Variants in SLC4A5 observed in about 807,000 individuals in gnomAD.
The protein encoded by SLC4A5 is electrogenic sodium bicarbonate cotransporter 4.
Under a neutral mutation model 120.4 loss-of-function variants are expected in SLC4A5, and 96 were observed. That is an observed-to-expected ratio of 0.80 (90% CI 0.68 to 0.94). The LOEUF is 0.94. SLC4A5 is among the 40% of genes least tolerant of loss of function. The pLI, the probability that SLC4A5 is intolerant of heterozygous loss-of-function variation, is 0.00. For missense variants in SLC4A5, 1,259 were observed against 1,459.5 expected (o/e 0.86, Z 2.24); for synonymous variants, 550 against 571.1 (o/e 0.96, Z 0.53).
chr2:74,251,837 T>G (rs1281478816), intron 16 of SLC4A5, among the ~76,000 whole-genome samples: 1 of 152,138 alleles, frequency 6.6e-6, no homozygotes, highest in Admixed American at 6.5e-5. Context: ...CAACACCTGC[T>G]GTGGAACTCC....
At chr2:74,239,703 T>G (rs1482401404) in intron 20 of SLC4A5, among the ~76,000 whole-genome samples, 168 bp from the exon 21 acceptor site, 1 of 152,030 alleles carries the variant, frequency 6.6e-6, no homozygotes, top group Non-Finnish European at 1.5e-5. Context: ...AATGACAAGC[T>G]CCCTAGGAAG....
At chr2:74,330,634 G>T (rs1325613795) in intron 4 of SLC4A5, among the ~76,000 whole-genome samples, 7 of 148,588 alleles carry the variant, frequency 4.7e-5, no homozygotes, top group South Asian at 2.1e-4. Flanking sequence ...GTCAGATGGA[G>T]GTGGTGAGGT....
chr2:74,257,514 T>C (rs1246292160), intron 12 of SLC4A5, among the ~76,000 whole-genome samples: 1 of 152,130 alleles, frequency 6.6e-6, no homozygotes, highest in Admixed American at 6.5e-5. Flanking sequence ...AGGAGCACCC[T>C]GGAGAAAGAG....
chr2:74,268,733 A>G (rs537898165), intron 8 of SLC4A5, among the ~76,000 whole-genome samples: 26 of 152,316 alleles, frequency 1.7e-4, no homozygotes, highest in African/African-American at 2.2e-4. Context: ...ACATTTCCCT[A>G]AAGTCTCCCA....
At chr2:74,227,957 C>T in intron 25 of SLC4A5, 79 bp from the exon 26 acceptor site, 1 of 1,065,636 alleles carries the variant, frequency 9.4e-7, no homozygotes. Context: ...ACAGTGGCTC[C>T]TGACCACAGA....
Position 74,247,552 on chromosome 2 carries a change from T to C in SLC4A5, c.1788-245A>G, listed in dbSNP as rs76743888. Reference sequence around the variant, plus strand: ...TTTTTTGAGAAAGAGTCTCTCTCTGTCACCCAGTCTGGACTGCAATGGCGT... The same window carrying C: ...TTTTTTGAGAAAGAGTCTCTCTCTGCCACCCAGTCTGGACTGCAATGGCGT... On this transcript the variant is annotated intron_variant, in intron 18 of 30. Coordinates refer to ENST00000394019, the Ensembl canonical transcript of SLC4A5. 0.012 allele frequency among the ~76,000 whole-genome samples: 1,816 copies of C among 152,090 alleles called. 147 individuals are homozygous for C. In the East Asian group the frequency reaches 0.21, roughly 17 times the overall value.
chr2:74,342,667 A>G (rs1257327070), intron 1 of SLC4A5, 133 bp from the exon 2 acceptor site: 2 of 151,910 alleles, frequency 1.3e-5, no homozygotes, highest in Non-Finnish European at 2.9e-5. Flanking sequence ...GATCTCCAGG[A>G]CTCCTGATAC....
rs1671259196 is a variant in SLC4A5 at position 74,265,034 on chromosome 2, A to G, written c.562+70T>C. 3 of 1,520,374 alleles carry G rather than the reference A, an allele frequency of 2.0e-6. No individual in the cohort carries two copies. The African/African-American group carries it at 4.1e-5, about 21-fold the overall frequency. 94.2% of individuals were successfully genotyped at this position (1,520,374 alleles called of 1,614,324 possible). A position where few individuals can be genotyped will look rare whatever the true frequency, so the allele number is the denominator to read the frequency against. On this transcript the variant is annotated intron_variant, in intron 9 of 30. Transcript: ENST00000394019. ...CCGTCACACAGACTTGAGGGCAGGC[A>G]TGAGGTCAGGGGAGCTGCCCTGGTT... is the stretch of plus-strand genomic sequence containing the variant.
intron 3 of SLC4A5, among the ~76,000 whole-genome samples, chr2:74,335,596 T>C (rs867208344): frequency 1.3e-5 from 2 of 152,160 alleles, no homozygotes; most frequent in South Asian, 2.1e-4. Flanking sequence ...GATCTTCATG[T>C]CAACCTAAAA....
intron 21 of SLC4A5, among the ~76,000 whole-genome samples, chr2:74,235,612 G>C (rs1670244107): frequency 6.6e-6 from 1 of 152,202 alleles, no homozygotes; most frequent in Admixed American, 6.5e-5. Context: ...GAGGGCAAGG[G>C]CTGGACTCTG....
chr2:74,234,254 C>T (rs1247421128), intron 22 of SLC4A5, among the ~76,000 whole-genome samples: 1 of 151,686 alleles, frequency 6.6e-6, no homozygotes, highest in East Asian at 1.9e-4. Flanking sequence ...TCTCCGCTCA[C>T]TGCAAGCTCT....
chr2:74,227,267 G>A, intron 26 of SLC4A5, 137 bp from the exon 27 acceptor site: 2 of 1,054,404 alleles, frequency 1.9e-6, no homozygotes, highest in South Asian at 1.7e-5. Flanking sequence ...TGCACGGGAG[G>A]GGGGCTGGAG....
intron 19 of SLC4A5, 29 bp from the exon 20 acceptor site, chr2:74,242,081 G>A (rs1375330051): frequency 6.3e-7 from 1 of 1,594,616 alleles, no homozygotes. Flanking sequence ...CACGGGGCAG[G>A]GTCAGCAGCT....
intron 7 of SLC4A5, among the ~76,000 whole-genome samples, chr2:74,302,981 C>T (rs753926405): frequency 9.9e-5 from 15 of 151,794 alleles, no homozygotes; most frequent in Non-Finnish European, 1.5e-4. Flanking sequence ...GCTTGCTTTC[C>T]TCTTGGTCTC....
intron 3 of SLC4A5, among the ~76,000 whole-genome samples, chr2:74,337,650 C>A (rs889242401): frequency 6.6e-6 from 1 of 152,086 alleles, no homozygotes; most frequent in Non-Finnish European, 1.5e-5. Context: ...GCTTGGGCAG[C>A]GGACAAAGGC....
chr2:74,337,676 T>C (rs1043086876), intron 3 of SLC4A5, among the ~76,000 whole-genome samples: 2 of 152,214 alleles, frequency 1.3e-5, no homozygotes, highest in African/African-American at 4.8e-5. Flanking sequence ...CTTAAATCAT[T>C]CGCAGGGCTC....
intron 7 of SLC4A5, 76 bp from the exon 8 acceptor site, chr2:74,285,978 T>C (rs556876381): frequency 1.4e-5 from 21 of 1,464,544 alleles, no homozygotes; most frequent in Admixed American, 2.6e-5. Flanking sequence ...AGAAATGGAG[T>C]AGGAGGCAAG....
At chr2:74,237,621 C>A (rs1670308476) in intron 21 of SLC4A5, among the ~76,000 whole-genome samples, 1 of 152,124 alleles carries the variant, frequency 6.6e-6, no homozygotes, top group African/African-American at 2.4e-5. Flanking sequence ...TGATTAGTAG[C>A]AGTAGCAGCT....
exon 5 of SLC4A5, chr2:74,328,183 G>T: frequency 1.0e-6 from 1 of 985,854 alleles, no homozygotes; most frequent in South Asian, 4.7e-5. Context: ...CACTTGCTCT[G>T]TTCCTGTTGG....
Sources: gnomAD v4.1 joint callset for allele counts (sites outside exome capture counted in the v4.1 genomes callset) on GRCh38, gnomAD v4.1.1 for gene constraint, MANE v1.5 for transcripts, NCBI Gene and HGNC (gene_info 2026-07-23, HGNC 2026-07-21) for gene names.